Variants in OSBPL10 observed in about 807,000 individuals in gnomAD.
The protein encoded by OSBPL10 is oxysterol binding protein like 10, also known as oxysterol-binding protein-related protein 10.
In OSBPL10, 49 loss-of-function variants were observed where a neutral mutation model predicts 81.7. That is an observed-to-expected ratio of 0.60 (90% confidence interval 0.48 to 0.76). The LOEUF is 0.76. Ranked by LOEUF, OSBPL10 falls within the 30% of genes least tolerant of loss-of-function variation. The pLI is 0.00. For synonymous variants in OSBPL10, 419 were observed against 383.6 expected (o/e 1.09, Z -1.08); for missense variants, 923 against 987.8 (o/e 0.93, Z 0.88).
Position 31,966,153 on chromosome 3 carries a change from A to ATGTGTG in OSBPL10, c.281+14740_281+14745dup, listed in dbSNP as rs59737552. On this transcript the variant is annotated intron_variant, in intron 1 of 11. Coordinates refer to ENST00000396556, the MANE Select transcript of OSBPL10 (RefSeq NM_017784.5). Reference sequence around the variant, plus strand: ...CTACTACAACAACAACAACAAAATTATGTGTGTGTGTGTGTGTGTGTGTGT... The same window carrying ATGTGTG: ...CTACTACAACAACAACAACAAAATTATGTGTGTGTGTGTGTGTGTGTGTGTGTGTGT... 4.7e-3 allele frequency among the ~76,000 whole-genome samples: 633 copies of ATGTGTG among 134,884 alleles called. 4 individuals are homozygous for ATGTGTG. Among genetic ancestry groups the ATGTGTG allele is most frequent in the African/African-American group, 0.011 (398 of 36,622 alleles). 88.5% of individuals were successfully genotyped at this position (134,884 alleles called of 152,430 possible). A position where few individuals can be genotyped will look rare whatever the true frequency, so the allele number is the denominator to read the frequency against.
chr3:32,028,742 G>T (rs1699438679), intron 2 of OSBPL10, among the ~76,000 whole-genome samples: 1 of 151,742 alleles, frequency 6.6e-6, no homozygotes, highest in Non-Finnish European at 1.5e-5. Context: ...CTTCATTTTT[G>T]TCATCTTTCC....
intron 2 of OSBPL10, among the ~76,000 whole-genome samples, chr3:32,006,973 G>A (rs1426049339): frequency 6.6e-6 from 1 of 151,448 alleles, no homozygotes; most frequent in Non-Finnish European, 1.5e-5. Flanking sequence ...TCACTATGTG[G>A]CCCAGGCTGA....
At chr3:31,839,198 T>G (rs1390494586) in intron 3 of OSBPL10, among the ~76,000 whole-genome samples, 1 of 152,250 alleles carries the variant, frequency 6.6e-6, no homozygotes, top group South Asian at 2.1e-4. Flanking sequence ...GATTCATTAT[T>G]ATCTCTTCTC....
At chr3:31,911,645 G>A (rs1411326729) in intron 1 of OSBPL10, among the ~76,000 whole-genome samples, 1 of 151,802 alleles carries the variant, frequency 6.6e-6, no homozygotes, top group Non-Finnish European at 1.5e-5. Flanking sequence ...AAAAACTCAT[G>A]TTTTAAGAAA....
intron 1 of OSBPL10, among the ~76,000 whole-genome samples, chr3:31,960,610 T>A (rs1698132799): frequency 6.6e-6 from 1 of 152,202 alleles, no homozygotes; most frequent in South Asian, 2.1e-4. Flanking sequence ...CAGCTTAAAC[T>A]ATCCATTTCC....
chr3:31,890,032 C>T (rs1695849849), intron 1 of OSBPL10, among the ~76,000 whole-genome samples: 1 of 151,948 alleles, frequency 6.6e-6, no homozygotes, highest in Admixed American at 6.6e-5. Context: ...GATTCTGACT[C>T]TCAACCTACA....
intron 6 of OSBPL10, among the ~76,000 whole-genome samples, chr3:31,706,080 T>C (rs1696055343): frequency 6.6e-6 from 1 of 152,126 alleles, no homozygotes; most frequent in Admixed American, 6.5e-5. Context: ...ATTACGACAA[T>C]ATTTCTACCA....
intron 3 of OSBPL10, among the ~76,000 whole-genome samples, chr3:31,839,320 T>C (rs1009740985): frequency 3.9e-5 from 6 of 152,156 alleles, no homozygotes; most frequent in Non-Finnish European, 7.3e-5. Flanking sequence ...CTGACTCACA[T>C]TATTCAGAGA....
At chr3:31,672,678 T>C (rs927183708) in intron 8 of OSBPL10, among the ~76,000 whole-genome samples, 7 of 152,144 alleles carry the variant, frequency 4.6e-5, no homozygotes, top group Non-Finnish European at 7.3e-5. Context: ...AACATCACTC[T>C]CAGTTCTCAG....
intron 1 of OSBPL10, among the ~76,000 whole-genome samples, chr3:31,949,738 C>CCAGA (rs982125664): frequency 1.4e-5 from 2 of 144,534 alleles, no homozygotes; most frequent in Non-Finnish European, 3.0e-5. Context: ...AGACACAAGT[C>CCAGA]CAGACAGATT....
intron 3 of OSBPL10, among the ~76,000 whole-genome samples, chr3:31,871,561 G>C (rs1232604486): frequency 2.6e-5 from 4 of 152,158 alleles, no homozygotes; most frequent in Non-Finnish European, 5.9e-5. Context: ...AGTTTCCTAA[G>C]ACCACCCACT....
At chr3:31,921,546 G>T (rs1225545842) in intron 1 of OSBPL10, among the ~76,000 whole-genome samples, 1 of 152,168 alleles carries the variant, frequency 6.6e-6, no homozygotes, top group African/African-American at 2.4e-5. Flanking sequence ...ACAAAATAAA[G>T]TAACATGGGT....
intron 3 of OSBPL10, among the ~76,000 whole-genome samples, chr3:31,837,374 TAG>T (rs1486296375): frequency 5.0e-4 from 14 of 28,244 alleles, no homozygotes; most frequent in South Asian, 2.1e-3. Context: ...TATATATATA[TAG>T]TAAGTAACAT....
intron 2 of OSBPL10, among the ~76,000 whole-genome samples, chr3:31,997,119 T>C (rs777737841): frequency 8.5e-5 from 13 of 152,220 alleles, no homozygotes; most frequent in Non-Finnish European, 1.6e-4. Context: ...GCACACATTA[T>C]GCAGTAAATT....
At chr3:32,029,840 A>G (rs1575088630) in intron 2 of OSBPL10, among the ~76,000 whole-genome samples, 1 of 152,356 alleles carries the variant, frequency 6.6e-6, no homozygotes, top group East Asian at 1.9e-4. Flanking sequence ...AATGGGGCAC[A>G]GGACAGTGAT....
chr3:31,961,445 G>A (rs1436720278), intron 1 of OSBPL10, among the ~76,000 whole-genome samples: 1 of 152,154 alleles, frequency 6.6e-6, no homozygotes, highest in East Asian at 1.9e-4. Flanking sequence ...CTGTGCATGT[G>A]TTGGAGTAGG....
chr3:31,856,183 A>G (rs796719769), intron 3 of OSBPL10, among the ~76,000 whole-genome samples: 5 of 151,154 alleles, frequency 3.3e-5, no homozygotes, highest in African/African-American at 1.2e-4. Context: ...CTTTCCTTTC[A>G]GGCAAGGCGG....
chr3:31,771,116 T>C (rs1451306427), intron 4 of OSBPL10, among the ~76,000 whole-genome samples: 1 of 152,182 alleles, frequency 6.6e-6, no homozygotes, highest in East Asian at 1.9e-4. Context: ...GAAATGCTGC[T>C]AATACACAGC....
intron 3 of OSBPL10, among the ~76,000 whole-genome samples, chr3:31,838,888 G>T (rs1223578463): frequency 6.6e-6 from 1 of 152,204 alleles, no homozygotes; most frequent in Non-Finnish European, 1.5e-5. Context: ...TTGATGGGCA[G>T]TATGTATACA....
Sources: allele counts gnomAD v4.1 joint callset (sites outside exome capture counted in the v4.1 genomes callset), GRCh38; gene constraint gnomAD v4.1.1; transcripts MANE v1.5; gene names NCBI Gene and HGNC (gene_info 2026-07-23, HGNC 2026-07-21).